The following CHST8 variants were observed in gnomAD, a reference collection of about 807,000 sequenced individuals.
The protein encoded by CHST8 is GALNAC-4-ST1.
Under a neutral mutation model 15.0 loss-of-function variants are expected in CHST8, and 10 were observed. The ratio of observed to expected loss-of-function variants is 0.67; its 90% CI spans 0.41 to 1.13. CHST8 has a LOEUF of 1.13. CHST8 is among the 50% of genes most tolerant of loss of function. CHST8 has a pLI of 0.00. For synonymous variants in CHST8, 259 were observed against 256.6 expected, an observed-to-expected ratio of 1.01 and a Z score of -0.09; for missense variants, 634 against 608.2, an observed-to-expected ratio of 1.04 and a Z score of -0.45.
rs150523536 is a variant in CHST8 at position 33,710,799 on chromosome 19, C to T, written c.130+21408C>T. Among the ~76,000 whole-genome samples the T allele has an allele frequency of 1.2e-3, 179 of 152,194 alleles. 1 individual carries two copies. Among genetic ancestry groups the T allele is most frequent in the East Asian group, 0.01 (53 of 5,180 alleles). ...GCAGCCCCAGGCTACAATGCCATAA[C>T]CTCACACTGTTCAGTAGATTTTCTT... On this transcript the variant is annotated intron_variant, in intron 3 of 4. Transcript: ENST00000650847.
At chr19:33,739,770 G>C (rs1287003738) in intron 3 of CHST8, among the ~76,000 whole-genome samples, 1 of 152,186 alleles carries the variant, frequency 6.6e-6, no homozygotes, top group Non-Finnish European at 1.5e-5. Flanking sequence ...GCTTAGGTAA[G>C]AGTGGAGAAT....
At chr19:33,635,720 C>T (rs532239661) in intron 1 of CHST8, among the ~76,000 whole-genome samples, 2 of 152,136 alleles carry the variant, frequency 1.3e-5, no homozygotes, top group South Asian at 4.1e-4. Context: ...CCAGTTGACC[C>T]ACCACACAAG....
intron 3 of CHST8, among the ~76,000 whole-genome samples, chr19:33,755,659 G>A (rs371814197): frequency 9.8e-5 from 15 of 152,350 alleles, no homozygotes; most frequent in African/African-American, 3.4e-4. Context: ...ACACATGCCC[G>A]GTGCTCCAGA....
At chr19:33,649,526 C>T (rs1293167485) in intron 1 of CHST8, among the ~76,000 whole-genome samples, 4 of 152,124 alleles carry the variant, frequency 2.6e-5, no homozygotes, top group Admixed American at 1.3e-4. Flanking sequence ...TGGCCAAATA[C>T]GCATATTCAG....
At chr19:33,694,794 G>A (rs955506185) in intron 3 of CHST8, among the ~76,000 whole-genome samples, 10 of 152,176 alleles carry the variant, frequency 6.6e-5, no homozygotes, top group Non-Finnish European at 2.9e-5. Context: ...TGGCCGGGCT[G>A]GTCTCGAACT....
intron 1 of CHST8, among the ~76,000 whole-genome samples, chr19:33,642,746 G>A (rs544714759): frequency 1.3e-5 from 2 of 152,368 alleles, no homozygotes; most frequent in African/African-American, 4.8e-5. Flanking sequence ...AATCCTTCTG[G>A]CTCTGGTGTT....
At chr19:33,765,286 G>A (rs539975005) in intron 3 of CHST8, among the ~76,000 whole-genome samples, 117 of 151,970 alleles carry the variant, frequency 7.7e-4, no homozygotes, top group South Asian at 2.1e-3. Flanking sequence ...GCATCAGCCC[G>A]TACCCAAGAG....
rs944354757 is a variant in CHST8, at chr19:33,631,723, C to T, written c.-164+9427C>T. Among the ~76,000 whole-genome samples, 7 of 152,258 alleles carry T rather than the reference C, an allele frequency of 4.6e-5. No homozygotes were observed. In the South Asian group the frequency reaches 6.2e-4, roughly 14 times the overall value. On this transcript the variant is annotated intron_variant, in intron 1 of 4. Transcript: ENST00000650847. ...TCACTCTTCTTGATTCCCTCTTCCA[C>T]GAGTTAATGTGTCAGCGCACAGCCA...
At chr19:33,702,055 A>T (rs1054394830) in intron 3 of CHST8, among the ~76,000 whole-genome samples, 2 of 151,928 alleles carry the variant, frequency 1.3e-5, no homozygotes, top group South Asian at 4.2e-4. Flanking sequence ...GCTCACTGCA[A>T]CTTCCGCCTC....
chr19:33,627,102 G>GC (rs1328106089), intron 1 of CHST8, among the ~76,000 whole-genome samples: 2 of 125,686 alleles, frequency 1.6e-5, no homozygotes, highest in East Asian at 2.8e-4. Context: ...TTTTTTTGGG[G>GC]GGGGGGCGGG....
chr19:33,713,337 C>G (rs1220000980), intron 3 of CHST8, among the ~76,000 whole-genome samples: 3 of 152,088 alleles, frequency 2.0e-5, no homozygotes, highest in Non-Finnish European at 4.4e-5. Context: ...CCACCATCAC[C>G]TGGGAGATGC....
At chr19:33,688,658 C>T (rs902990991) in intron 2 of CHST8, among the ~76,000 whole-genome samples, 1 of 152,156 alleles carries the variant, frequency 6.6e-6, no homozygotes, top group Non-Finnish European at 1.5e-5. Flanking sequence ...TTGAGCCTAG[C>T]AGGCTCCTTT....
intron 1 of CHST8, among the ~76,000 whole-genome samples, chr19:33,665,987 C>G (rs1370822093): frequency 6.6e-6 from 1 of 152,246 alleles, no homozygotes; most frequent in Non-Finnish European, 1.5e-5. Context: ...AGGCAGGCCT[C>G]TGGCTCCGGG....
chr19:33,636,524 G>A (rs1260435024), intron 1 of CHST8, among the ~76,000 whole-genome samples: 1 of 152,102 alleles, frequency 6.6e-6, no homozygotes, highest in Non-Finnish European at 1.5e-5. Context: ...AAGGGGTCCC[G>A]ATCCAGACCC....
At chr19:33,644,441 T>G (rs999371968) in intron 1 of CHST8, among the ~76,000 whole-genome samples, 18 of 151,948 alleles carry the variant, frequency 1.2e-4, no homozygotes, top group Admixed American at 4.6e-4. Flanking sequence ...CTAATATACT[T>G]AAGTATATGA....
At chr19:33,712,297 G>T (rs936562184) in intron 3 of CHST8, among the ~76,000 whole-genome samples, 1 of 152,192 alleles carries the variant, frequency 6.6e-6, no homozygotes, top group Non-Finnish European at 1.5e-5. Flanking sequence ...GGACAGAAGA[G>T]ATCAACAGCA....
chr19:33,749,135 C>T (rs754471157), intron 3 of CHST8, among the ~76,000 whole-genome samples: 97 of 152,206 alleles, frequency 6.4e-4, no homozygotes, highest in Admixed American at 1.0e-3. Context: ...CAGCTATGTC[C>T]GGGGCTCCCC....
chr19:33,752,065 G>C (rs898463489), intron 3 of CHST8, among the ~76,000 whole-genome samples: 1 of 152,210 alleles, frequency 6.6e-6, no homozygotes, highest in Non-Finnish European at 1.5e-5. Flanking sequence ...CCAGGGGTTG[G>C]AGTGAGATTT....
chr19:33,641,775 G>A (rs931191877), intron 1 of CHST8, among the ~76,000 whole-genome samples: 5 of 151,966 alleles, frequency 3.3e-5, no homozygotes, highest in African/African-American at 1.2e-4. Flanking sequence ...TGCTGCTTTG[G>A]AAGGGGGCAG....
Sources: allele counts gnomAD v4.1 joint callset (sites outside exome capture counted in the v4.1 genomes callset), GRCh38; gene constraint gnomAD v4.1.1; transcripts MANE v1.5; gene names NCBI Gene and HGNC (gene_info 2026-07-23, HGNC 2026-07-21).